Variants in LRP1B observed in about 807,000 individuals in gnomAD.
LRP1B encodes LDL receptor related protein 1B.
A neutral mutation model predicts 556.6 loss-of-function variants in LRP1B; 217 were observed. The observed-to-expected ratio is 0.39, with a 90% CI of 0.35 to 0.44. LRP1B has a LOEUF of 0.44. Ranked by LOEUF, LRP1B falls within the 20% of genes least tolerant of loss-of-function variation. LRP1B has a pLI of 1.00. For synonymous variants in LRP1B, 2,047 were observed against 1,865.8 expected, an observed-to-expected ratio of 1.10 and a Z score of -2.50; for missense variants, 5,053 against 5,620.8, an observed-to-expected ratio of 0.90 and a Z score of 3.23.
intron 23 of LRP1B, among the ~76,000 whole-genome samples, chr2:140,898,151 C>A (rs183013366): frequency 2.8e-4 from 43 of 152,248 alleles, no homozygotes; most frequent in Admixed American, 2.6e-3. Context: ...TCCCCACAAC[C>A]ATCTATAAGC....
chr2:140,658,797 A>G (rs1056721168), intron 41 of LRP1B, among the ~76,000 whole-genome samples: 3 of 152,032 alleles, frequency 2.0e-5, no homozygotes, highest in Admixed American at 6.6e-5. Context: ...GTGAGATAAT[A>G]GGTTGTTTAT....
At chr2:141,724,239 TA>T (rs1692946570) in intron 2 of LRP1B, among the ~76,000 whole-genome samples, 1 of 151,930 alleles carries the variant, frequency 6.6e-6, no homozygotes, top group East Asian at 1.9e-4. Flanking sequence ...AAACTACATA[TA>T]AGGATTCATG....
chr2:140,625,241 G>A (rs1683613976), intron 41 of LRP1B, among the ~76,000 whole-genome samples: 1 of 152,182 alleles, frequency 6.6e-6, no homozygotes, highest in African/African-American at 2.4e-5. Context: ...AATCAATGGA[G>A]TTAGTGATAA....
chr2:141,071,833 C>A (rs1299625084), intron 7 of LRP1B, among the ~76,000 whole-genome samples: 1 of 152,060 alleles, frequency 6.6e-6, no homozygotes, highest in Non-Finnish European at 1.5e-5. Flanking sequence ...AACTACAAAC[C>A]ACTGCTCGAT....
intron 31 of LRP1B, among the ~76,000 whole-genome samples, chr2:140,817,102 C>T (rs930970389): frequency 1.3e-5 from 2 of 152,048 alleles, no homozygotes; most frequent in African/African-American, 2.4e-5. Context: ...TAAAACTGTC[C>T]TGGAACTTAT....
At chr2:141,353,658 A>G (rs1212566199) in intron 3 of LRP1B, among the ~76,000 whole-genome samples, 1 of 151,994 alleles carries the variant, frequency 6.6e-6, no homozygotes, top group Non-Finnish European at 1.5e-5. Context: ...ATAAAACAGT[A>G]TAGAAGAAAA....
At chr2:140,680,562 T>C (rs1685827073) in intron 41 of LRP1B, among the ~76,000 whole-genome samples, 1 of 152,228 alleles carries the variant, frequency 6.6e-6, no homozygotes, top group African/African-American at 2.4e-5. Flanking sequence ...GTGGTAAGCA[T>C]AGCATTGTCA....
chr2:141,492,582 G>T lies in LRP1B; in HGVS notation c.206-12049C>A, dbSNP rs145332246. Among the ~76,000 whole-genome samples, 963 of 152,244 alleles carry T rather than the reference G, an allele frequency of 6.3e-3. 7 individuals carry two copies. The highest frequency in any genetic ancestry group is 0.022 in the African/African-American group (928 of 41,572). ...GAGTGGATGAGGACAAAATAGAGAT[G>T]AGAGAAGACACAATAAATAAGGGAG... On this transcript the variant is annotated intron_variant, in intron 2 of 90. Transcript: ENST00000389484.
At chr2:140,733,800 T>G (rs530929865) in intron 35 of LRP1B, among the ~76,000 whole-genome samples, 1 of 152,246 alleles carries the variant, frequency 6.6e-6, no homozygotes, top group African/African-American at 2.4e-5. Flanking sequence ...AAAGGCAAAC[T>G]TACTATCTGA....
chr2:142,125,888 A>C (rs1262401238), intron 1 of LRP1B, among the ~76,000 whole-genome samples: 1 of 151,880 alleles, frequency 6.6e-6, no homozygotes, highest in Non-Finnish European at 1.5e-5. Context: ...CTATGCATCA[A>C]GATAGTTTTG....
At position 141,257,290 on chromosome 2, in the gene LRP1B, A is replaced by G. The variant is rs62172884; in HGVS notation, c.344-2649T>C. Among the ~76,000 whole-genome samples, 794 of 152,242 alleles carry G rather than the reference A, an allele frequency of 5.2e-3. 8 individuals are homozygous for G. The highest frequency in any genetic ancestry group is 8.0e-3 in the Non-Finnish European group (547 of 67,996). On this transcript the variant is annotated intron_variant, in intron 3 of 90. Coordinates refer to ENST00000389484, the MANE Select transcript of LRP1B (RefSeq NM_018557.3). Reference sequence around the variant, plus strand: ...ATAGATTCAGTTATACTATGAAAAGAATGAGGGTAGAGATTTGATCTAATT... The same window carrying G: ...ATAGATTCAGTTATACTATGAAAAGGATGAGGGTAGAGATTTGATCTAATT...
intron 66 of LRP1B, among the ~76,000 whole-genome samples, chr2:140,409,057 T>A (rs1043179031): frequency 1.3e-5 from 2 of 151,992 alleles, no homozygotes; most frequent in Non-Finnish European, 1.5e-5. Context: ...ACTATGAATT[T>A]CACATGCTTA....
intron 59 of LRP1B, among the ~76,000 whole-genome samples, chr2:140,476,323 A>G (rs1263277254): frequency 2.0e-5 from 3 of 151,934 alleles, no homozygotes; most frequent in Non-Finnish European, 4.4e-5. Flanking sequence ...TCTCTATTTC[A>G]TTCTTTCTTT....
At chr2:141,785,328 A>C (rs1364211948) in intron 2 of LRP1B, among the ~76,000 whole-genome samples, 2 of 151,938 alleles carry the variant, frequency 1.3e-5, no homozygotes, top group Non-Finnish European at 2.9e-5. Flanking sequence ...TCAGTCTCAG[A>C]GTTTATCTGT....
chr2:141,758,239 A>AT (rs1694393470), intron 2 of LRP1B, among the ~76,000 whole-genome samples: 3 of 152,078 alleles, frequency 2.0e-5, no homozygotes, highest in African/African-American at 7.2e-5. Flanking sequence ...GCTTTATTGT[A>AT]TTTTTTCAGA....
At position 141,096,261 on chromosome 2, in the gene LRP1B, T is replaced by G. The variant is rs143631972; in HGVS notation, c.1014-33988A>C. Among the ~76,000 whole-genome samples, 551 of 152,048 alleles carry G rather than the reference T, an allele frequency of 3.6e-3. 2 individuals carry two copies. The highest frequency in any genetic ancestry group is 6.7e-3 in the Admixed American group (102 of 15,262). The stretch of plus-strand genomic sequence containing the variant: ...GTGTATTTACACAAAAGAGTGTGCT[T>G]CTTCTTTTTCCCTTTCAAAAACCTT... On this transcript the variant is annotated intron_variant, in intron 7 of 90. Transcript: ENST00000389484.
rs113069255 is a variant in LRP1B, at chr2:141,508,300, T to C, written c.206-27767A>G. Among the ~76,000 whole-genome samples the C allele has an allele frequency of 5.7e-3, 872 of 152,264 alleles. 15 individuals are homozygous for C. Among genetic ancestry groups the C allele is most frequent in the African/African-American group, 0.02 (835 of 41,562 alleles). On this transcript the variant is annotated intron_variant, in intron 2 of 90. Transcript: ENST00000389484. ...ACTTTTACAGAAGGTATTTGACTCA[T>C]CTCAAATGGCTGTATGTTCATCAGA...
intron 2 of LRP1B, among the ~76,000 whole-genome samples, chr2:141,521,362 AGTTT>A (rs1684523557): frequency 6.6e-6 from 1 of 152,142 alleles, no homozygotes; most frequent in East Asian, 1.9e-4. Flanking sequence ...TGAGGTTTCC[AGTTT>A]GTTCCTTCCT....
intron 3 of LRP1B, among the ~76,000 whole-genome samples, chr2:141,285,750 C>A (rs1480991858): frequency 1.4e-5 from 2 of 145,444 alleles, no homozygotes; most frequent in African/African-American, 2.5e-5. Context: ...GCCACCGAGC[C>A]CGGCCAAGAA....
Sources: allele counts gnomAD v4.1 joint callset (sites outside exome capture counted in the v4.1 genomes callset), GRCh38; gene constraint gnomAD v4.1.1; transcripts MANE v1.5; gene names NCBI Gene and HGNC (gene_info 2026-07-23, HGNC 2026-07-21).